WDR59: variants seen among roughly 807,000 people sequenced by gnomAD.
The protein encoded by WDR59 is WD repeat domain 59, also known as GATOR2 complex protein WDR59.
In WDR59, 100 loss-of-function variants were observed where a neutral mutation model predicts 131.2. The observed-to-expected ratio is 0.76, with a 90% CI of 0.65 to 0.90. The LOEUF (loss-of-function observed/expected upper bound fraction) is 0.90, where lower values mean the gene tolerates loss of function less well. Among genes scored for constraint, WDR59 ranks in the 40% least tolerant of loss-of-function variants. The pLI, the probability that WDR59 is intolerant of heterozygous loss-of-function variation, is 0.00. For synonymous variants in WDR59, 601 were observed against 466.2 expected (o/e 1.29, Z -3.72); for missense variants, 1,203 against 1,262.2 (o/e 0.95, Z 0.71).
intron 8 of WDR59, among the ~76,000 whole-genome samples, chr16:74,926,986 A>G (rs971012827): frequency 1.1e-4 from 17 of 152,336 alleles, no homozygotes; most frequent in African/African-American, 4.1e-4. Flanking sequence ...AATGCACAAT[A>G]TGAATGAACA....
At chr16:74,915,503 C>T (rs1293197836) in intron 13 of WDR59, 1 of 174,076 alleles carries the variant, frequency 5.7e-6, no homozygotes, top group South Asian at 1.4e-4. Context: ...GATCTTGGCT[C>T]ACTGCAACCT....
rs1327506024 is a variant in WDR59 at position 74,984,987 on chromosome 16, C to T, written c.31G>A (p.Val11Ile). The T allele has an allele frequency of 1.2e-6, 2 of 1,600,678 alleles. No homozygotes were observed. Among genetic ancestry groups the T allele is most frequent in the Non-Finnish European group, 1.7e-6 (2 of 1,173,836 alleles). Reference sequence around the variant, plus strand: ...ACCTGGGAGTCACGGAACTCTACAACCACGTTTTCGCTGCTCCATCGCGCC... The same window carrying T: ...ACCTGGGAGTCACGGAACTCTACAATCACGTTTTCGCTGCTCCATCGCGCC... MAARWSSENV[V>I]VEFRDSQATA... The change falls in exon 1 of 26, where the codon GTT (valine) becomes ATT (isoleucine). Residue 11 changes from valine to isoleucine, a missense_variant. Coordinates refer to ENST00000262144, the MANE Select transcript of WDR59 (RefSeq NM_030581.4).
chr16:74,899,726 C>A (rs1261061398), intron 18 of WDR59: 1 of 1,289,140 alleles, frequency 7.8e-7, no homozygotes, highest in South Asian at 1.2e-5. Flanking sequence ...TTGTATGGAC[C>A]AACGCCGCCG....
At chr16:74,935,932 G>C (rs1015718833) in intron 8 of WDR59, among the ~76,000 whole-genome samples, 24 of 151,706 alleles carry the variant, frequency 1.6e-4, no homozygotes, top group African/African-American at 5.8e-4. Flanking sequence ...GGGAGACGGA[G>C]GTTGCAGTGA....
intron 7 of WDR59, among the ~76,000 whole-genome samples, chr16:74,938,653 C>G (rs1301009620): frequency 6.6e-6 from 1 of 152,128 alleles, no homozygotes; most frequent in Non-Finnish European, 1.5e-5. Context: ...CCTCCCACCT[C>G]AGCCCTCCAA....
In WDR59 at chr16:74,940,076, G is replaced by A. The variant is rs547813611; in HGVS notation, c.535-1810C>T. ...CTTCAGTTTACTCATCTGTAAAAAAGGGATAATAATAGCACACACTGGCCA... is the reference window on the plus strand; with the variant it reads ...CTTCAGTTTACTCATCTGTAAAAAAAGGATAATAATAGCACACACTGGCCA... On this transcript the variant is annotated intron_variant, in intron 7 of 25. Transcript: ENST00000262144. Among the ~76,000 whole-genome samples the A allele has an allele frequency of 3.3e-5, 5 of 152,194 alleles. No individual in the cohort carries two copies. The South Asian group carries it at 1.0e-3, about 32-fold the overall frequency.
At chr16:74,934,868 G>T (rs2031675229) in intron 8 of WDR59, among the ~76,000 whole-genome samples, 1 of 151,504 alleles carries the variant, frequency 6.6e-6, no homozygotes, top group Admixed American at 6.6e-5. Flanking sequence ...GGTCAAAAAA[G>T]AACCAGGTTT....
intron 1 of WDR59, among the ~76,000 whole-genome samples, chr16:74,984,135 GGC>G (rs1371063589): frequency 6.6e-6 from 1 of 151,902 alleles, no homozygotes; most frequent in Non-Finnish European, 1.5e-5. Context: ...AAATTAGCCG[GGC>G]GTGGTGGTGC....
intron 10 of WDR59, among the ~76,000 whole-genome samples, chr16:74,920,037 C>T (rs2030023811): frequency 6.7e-6 from 1 of 149,208 alleles, no homozygotes; most frequent in Non-Finnish European, 1.5e-5. Context: ...TGCCTGCACG[C>T]TAGCCTGGGT....
intron 18 of WDR59, among the ~76,000 whole-genome samples, chr16:74,897,192 T>G (rs1392954681): frequency 6.6e-6 from 1 of 152,194 alleles, no homozygotes; most frequent in East Asian, 1.9e-4. Context: ...GCATCGTGAC[T>G]CTGTTCTGCT....
chr16:74,914,443 TAAAG>T (rs1657335005), intron 13 of WDR59, among the ~76,000 whole-genome samples: 1 of 152,048 alleles, frequency 6.6e-6, no homozygotes, highest in South Asian at 2.1e-4. Context: ...GCAGCTGGAG[TAAAG>T]AGAAAAGAAC....
intron 8 of WDR59, among the ~76,000 whole-genome samples, chr16:74,931,777 C>T (rs1224803303): frequency 6.6e-6 from 1 of 151,936 alleles, no homozygotes; most frequent in African/African-American, 2.4e-5. Context: ...TGGAGGCTGA[C>T]ATGGGAAGAT....
intron 21 of WDR59, among the ~76,000 whole-genome samples, chr16:74,888,793 G>A (rs9931839): frequency 0.019 from 2,943 of 152,304 alleles, 79 homozygotes; most frequent in African/African-American, 0.065. Context: ...GCAGGCAATC[G>A]ACTCTGGAGG....
chr16:74,935,291 G>A (rs1229577542), intron 8 of WDR59, among the ~76,000 whole-genome samples: 1 of 151,890 alleles, frequency 6.6e-6, no homozygotes, highest in African/African-American at 2.4e-5. Flanking sequence ...TTGTCTAGAA[G>A]GCAGCAATTT....
intron 7 of WDR59, 106 bp from the exon 8 acceptor site, chr16:74,938,372 G>C (rs893828096): frequency 2.4e-5 from 17 of 704,252 alleles, no homozygotes; most frequent in Non-Finnish European, 3.8e-5. Flanking sequence ...AATACTACCA[G>C]ATACTGTCTC....
chr16:74,893,887 T>C (rs1567695633), intron 18 of WDR59, 75 bp from the exon 19 acceptor site: 4 of 1,516,232 alleles, frequency 2.6e-6, no homozygotes, highest in East Asian at 4.6e-5. Context: ...GCTCATCATA[T>C]TGGGGTCATT....
At chr16:74,893,634 C>G in intron 19 of WDR59, 45 bp downstream of exon 19, 1 of 1,547,090 alleles carries the variant, frequency 6.5e-7, no homozygotes, top group Non-Finnish European at 8.8e-7. Flanking sequence ...TTTTGCTAAT[C>G]CTGGCTAAAT....
intron 9 of WDR59, among the ~76,000 whole-genome samples, chr16:74,922,565 C>T (rs1006013281): frequency 6.6e-6 from 1 of 152,118 alleles, no homozygotes; most frequent in Non-Finnish European, 1.5e-5. Flanking sequence ...ATCACCTTCC[C>T]GCCCCCCCGG....
At chr16:74,931,387 G>C (rs935002655) in intron 8 of WDR59, among the ~76,000 whole-genome samples, 1 of 152,048 alleles carries the variant, frequency 6.6e-6, no homozygotes, top group Non-Finnish European at 1.5e-5. Context: ...GCAGGTTGGA[G>C]TGCAGCGGCA....
Sources: allele counts gnomAD v4.1 joint callset (sites outside exome capture counted in the v4.1 genomes callset), GRCh38; gene constraint gnomAD v4.1.1; transcripts MANE v1.5; gene names NCBI Gene and HGNC (gene_info 2026-07-23, HGNC 2026-07-21).